The following GABRB3 variants were observed in gnomAD, a reference collection of about 807,000 sequenced individuals.
GABRB3 encodes the protein gamma-aminobutyric acid type A receptor subunit beta3, also known as gamma-aminobutyric acid receptor subunit beta-3.
A neutral mutation model predicts 52.1 loss-of-function variants in GABRB3; 14 were observed. The ratio of observed to expected loss-of-function variants is 0.27; its 90% confidence interval spans 0.18 to 0.42. The LOEUF (loss-of-function observed/expected upper bound fraction) is 0.42, where lower values mean the gene tolerates loss of function less well. Among genes scored for constraint, GABRB3 ranks in the 10% least tolerant of loss-of-function variants. The pLI, the probability that GABRB3 is intolerant of heterozygous loss-of-function variation, is 1.00. For synonymous variants in GABRB3, 260 were observed against 232.3 expected, an observed-to-expected ratio of 1.12 and a Z score of -1.08; for missense variants, 307 against 609.1, an observed-to-expected ratio of 0.50 and a Z score of 5.22.
At position 26,546,976 on chromosome 15, in the gene GABRB3, G is replaced by C. The variant is rs949213340; in HGVS notation, c.*817C>G. On this transcript the variant is annotated 3_prime_UTR_variant, in exon 9 of 9. Coordinates refer to ENST00000311550, the MANE Select transcript of GABRB3 (RefSeq NM_000814.6). ...GTGATTGAAATGTCACTGGCCAAAC[G>C]TGTCACTGTGTTCGCACATGACAGT... 6.6e-6 allele frequency: 1 copy of C among 151,580 alleles called. No individual in the cohort carries two copies. The highest frequency in any genetic ancestry group is 1.5e-5 in the Non-Finnish European group (1 of 67,994). 9.4% of individuals were successfully genotyped at this position (151,580 alleles called of 1,614,324 possible).
chr15:26,629,437 T>G (rs1483574998), intron 3 of GABRB3, among the ~76,000 whole-genome samples: 3 of 152,184 alleles, frequency 2.0e-5, no homozygotes, highest in Admixed American at 6.5e-5. Flanking sequence ...ACAGGCTGTC[T>G]CCTGGCACTG....
At chr15:26,548,718 C>T (rs1338895588) in intron 8 of GABRB3, among the ~76,000 whole-genome samples, 1 of 152,084 alleles carries the variant, frequency 6.6e-6, no homozygotes, top group Non-Finnish European at 1.5e-5. Flanking sequence ...TTTTGAAGGG[C>T]TATATATAAA....
intron 3 of GABRB3, among the ~76,000 whole-genome samples, chr15:26,682,207 CT>C (rs1486271954): frequency 1.3e-5 from 2 of 152,138 alleles, no homozygotes; most frequent in Non-Finnish European, 2.9e-5. Context: ...ACAGGCAACT[CT>C]ACTTTCCCCT....
intron 3 of GABRB3, among the ~76,000 whole-genome samples, chr15:26,660,390 A>G (rs1887505079): frequency 6.6e-6 from 1 of 152,170 alleles, no homozygotes; most frequent in African/African-American, 2.4e-5. Flanking sequence ...CGGATCTCAG[A>G]TGGTGAGGGA....
intron 3 of GABRB3, among the ~76,000 whole-genome samples, chr15:26,653,168 C>A (rs1419248830): frequency 1.3e-5 from 2 of 152,288 alleles, no homozygotes; most frequent in Non-Finnish European, 2.9e-5. Flanking sequence ...CCAAAACAAA[C>A]CCCCTTCTTG....
At chr15:26,681,373 C>T (rs956561623) in intron 3 of GABRB3, among the ~76,000 whole-genome samples, 5 of 151,942 alleles carry the variant, frequency 3.3e-5, no homozygotes, top group Non-Finnish European at 5.9e-5. Context: ...TGATATTCTG[C>T]CCCCCCGTAT....
intron 8 of GABRB3, among the ~76,000 whole-genome samples, chr15:26,560,321 C>G (rs150779929): frequency 1.7e-4 from 26 of 152,320 alleles, no homozygotes; most frequent in African/African-American, 6.3e-4. Context: ...TTACTCACTT[C>G]TGTAAGTGGA....
intron 3 of GABRB3, among the ~76,000 whole-genome samples, chr15:26,771,161 C>T (rs1362556714): frequency 6.6e-6 from 1 of 152,156 alleles, no homozygotes; most frequent in African/African-American, 2.4e-5. Flanking sequence ...TCACTAACGT[C>T]TATTTTTAAA....
At position 26,772,892 on chromosome 15, in the gene GABRB3, C is replaced by A; in HGVS notation, c.71G>T (p.Cys24Phe). 6.7e-7 allele frequency: 1 copy of A among 1,492,734 alleles called. No homozygotes were observed. The highest frequency in any genetic ancestry group is 8.9e-7 in the Non-Finnish European group (1 of 1,120,190). The allele number at this position is 1,492,734 out of a possible 1,614,324, so 92.5% of individuals were successfully genotyped here. Residue 24 changes from cysteine to phenylalanine, a missense_variant, in exon 1 of 9, where the codon TGC becomes TTC. Physicochemically the swap from Cys to Phe is radical, Grantham distance 205. Coordinates refer to ENST00000311550, the MANE Select transcript of GABRB3 (RefSeq NM_000814.6). ...SAPVLVAVVC[C>F]AQSVNDPGNM... ...CCACCCGCGACCCTACCTCTGGGCG[C>A]AGCACACCACAGCCACCAGCACCGG... is the stretch of plus-strand genomic sequence containing the variant.
At chr15:26,758,069 T>C (rs1890710641) in intron 3 of GABRB3, among the ~76,000 whole-genome samples, 1 of 151,260 alleles carries the variant, frequency 6.6e-6, no homozygotes, top group South Asian at 2.1e-4. Flanking sequence ...GTTTCCTTTA[T>C]AATGCAAGTA....
intron 4 of GABRB3, chr15:26,612,732 T>G (rs1892116159): frequency 6.6e-6 from 1 of 152,228 alleles, no homozygotes; most frequent in African/African-American, 2.4e-5. Flanking sequence ...CAAGCTATAC[T>G]TTTAGGAATT....
At chr15:26,578,277 T>TA (rs1286890346) in intron 6 of GABRB3, among the ~76,000 whole-genome samples, 1 of 152,244 alleles carries the variant, frequency 6.6e-6, no homozygotes, top group African/African-American at 2.4e-5. Flanking sequence ...AGAATAACTT[T>TA]AAAGTGCAAG....
intron 3 of GABRB3, among the ~76,000 whole-genome samples, chr15:26,744,996 C>T (rs987366386): frequency 3.9e-5 from 6 of 152,118 alleles, no homozygotes; most frequent in African/African-American, 1.2e-4. Flanking sequence ...AGAGAGGCCT[C>T]GGGGAACTTT....
In GABRB3 at chr15:26,547,906, T is replaced by C. The variant is rs1483399861; in HGVS notation, c.1309A>G (p.Ile437Val). The C allele has an allele frequency of 3.1e-6, 5 of 1,614,200 alleles. No individual in the cohort carries two copies. Among genetic ancestry groups the C allele is most frequent in the Non-Finnish European group, 4.2e-6 (5 of 1,180,034 alleles). The change falls in exon 9 of 9, where the codon ATT (isoleucine) becomes GTT (valine). Residue 437 changes from isoleucine to valine, a missense_variant. This residue lies in a region of GABRB3 where 115 missense variants were observed against 166.9 expected (regional missense o/e 0.69). Coordinates refer to ENST00000311550, the MANE Select transcript of GABRB3 (RefSeq NM_000814.6). ...ACATCGGTTAGATCAGGTATTTTAA[T>C]TTTGAGCTGTGAAGACCTCCTCCGT... ...HLRRRSSQLKIKIPDLTDVNA... is the reference protein window; with the variant it reads ...HLRRRSSQLKVKIPDLTDVNA...
At chr15:26,763,042 C>T (rs776563288) in intron 3 of GABRB3, among the ~76,000 whole-genome samples, 2 of 152,308 alleles carry the variant, frequency 1.3e-5, no homozygotes, top group South Asian at 2.1e-4. Context: ...CAGGTATCCC[C>T]GCCCCCTTTC....
chr15:26,646,295 A>G (rs1887001178), intron 3 of GABRB3, among the ~76,000 whole-genome samples: 1 of 152,192 alleles, frequency 6.6e-6, no homozygotes, highest in Non-Finnish European at 1.5e-5. Context: ...GACATTTCAG[A>G]TAAACGGAAT....
chr15:26,571,746 T>C (rs1294308537), intron 6 of GABRB3, among the ~76,000 whole-genome samples: 1 of 152,180 alleles, frequency 6.6e-6, no homozygotes, highest in Non-Finnish European at 1.5e-5. Flanking sequence ...TAAGAAAATA[T>C]ACCATTTTCT....
At chr15:26,616,150 T>C (rs1892249307) in intron 4 of GABRB3, 2 of 1,168,994 alleles carry the variant, frequency 1.7e-6, no homozygotes, top group South Asian at 2.5e-5. Context: ...AGTGCAACAG[T>C]AAAAAGACAC....
intron 4 of GABRB3, among the ~76,000 whole-genome samples, chr15:26,603,604 C>T (rs555362212): frequency 1.1e-4 from 16 of 151,986 alleles, no homozygotes; most frequent in Non-Finnish European, 1.9e-4. Flanking sequence ...TCCAGAGATG[C>T]AAGGATGGTT....
Sources: allele counts gnomAD v4.1 joint callset (sites outside exome capture counted in the v4.1 genomes callset), GRCh38; gene constraint gnomAD v4.1.1; regional missense constraint gnomAD v4.1.1; transcripts MANE v1.5; gene names NCBI Gene and HGNC (gene_info 2026-07-23, HGNC 2026-07-21).